Variants in ARHGEF3 observed in about 807,000 individuals in gnomAD.
ARHGEF3 encodes 59.8 kDA protein.
In ARHGEF3, 28 loss-of-function variants were observed where a neutral mutation model predicts 63.2. The observed-to-expected ratio is 0.44, with a 90% CI of 0.33 to 0.61. The LOEUF (loss-of-function observed/expected upper bound fraction) is 0.61, where lower values mean the gene tolerates loss of function less well. ARHGEF3 is among the 20% of genes least tolerant of loss of function. The probability of loss-of-function intolerance (pLI) is 0.03; values close to 1 mark genes in which losing one functional copy is unlikely to be tolerated. For missense variants in ARHGEF3, 533 were observed against 659.3 expected (o/e 0.81, Z 2.10); for synonymous variants, 266 against 254.2 (o/e 1.05, Z -0.44).
chr3:56,894,276 T>A (rs539448326), intron 3 of ARHGEF3, among the ~76,000 whole-genome samples: 1 of 152,340 alleles, frequency 6.6e-6, no homozygotes, highest in South Asian at 2.1e-4. Context: ...ACTGCATCTC[T>A]TTTGTTAACC....
At position 56,819,929 on chromosome 3, in the gene ARHGEF3, C is replaced by T. The variant is rs150994516; in HGVS notation, c.193-46113G>A. Among the ~76,000 whole-genome samples, 736 of 152,148 alleles carry T rather than the reference C, an allele frequency of 4.8e-3. 8 individuals carry two copies. Among genetic ancestry groups the T allele is most frequent in the African/African-American group, 0.017 (695 of 41,488 alleles). On this transcript the variant is annotated intron_variant, in intron 4 of 12. Transcript: ENST00000338458. ...GGCTCAAGCATTCCTTCCATCTCAG[C>T]TTCCCAAGTAGCTGGGACTACAGGC...
intron 2 of ARHGEF3, among the ~76,000 whole-genome samples, chr3:56,770,410 G>A (rs1578465122): frequency 8.1e-6 from 1 of 123,156 alleles, no homozygotes; most frequent in South Asian, 2.4e-4. Flanking sequence ...ACTCTGTCTC[G>A]AAAATTAAAT....
intron 4 of ARHGEF3, among the ~76,000 whole-genome samples, chr3:56,828,033 C>A (rs2038796322): frequency 6.7e-6 from 1 of 148,442 alleles, no homozygotes; most frequent in African/African-American, 2.5e-5. Context: ...GTGAAGTACA[C>A]CAGGAAAAAA....
At chr3:56,910,838 T>C (rs2041835720) in intron 3 of ARHGEF3, among the ~76,000 whole-genome samples, 1 of 152,180 alleles carries the variant, frequency 6.6e-6, no homozygotes, top group Non-Finnish European at 1.5e-5. Context: ...ATAAGCTGTT[T>C]GAAGCGCTTC....
intron 1 of ARHGEF3, among the ~76,000 whole-genome samples, chr3:56,795,646 T>TC (rs2037313352): frequency 9.8e-6 from 1 of 102,204 alleles, no homozygotes; most frequent in Admixed American, 9.5e-5. Flanking sequence ...TGTGACACAG[T>TC]CTCTCTCTCT....
At chr3:56,787,424 C>A (rs889767397) in intron 1 of ARHGEF3, among the ~76,000 whole-genome samples, 1 of 152,116 alleles carries the variant, frequency 6.6e-6, no homozygotes, top group Non-Finnish European at 1.5e-5. Context: ...CTACACCTGA[C>A]GCAGGTGTGA....
chr3:56,749,777 C>G (rs192780062), intron 6 of ARHGEF3, among the ~76,000 whole-genome samples: 18 of 152,070 alleles, frequency 1.2e-4, no homozygotes, highest in Non-Finnish European at 1.5e-5. Context: ...TTTCGGATAC[C>G]TTTGGGATAT....
intron 2 of ARHGEF3, among the ~76,000 whole-genome samples, chr3:57,031,678 G>T (rs114157981): frequency 6.6e-6 from 1 of 152,150 alleles, no homozygotes; most frequent in Non-Finnish European, 1.5e-5. Context: ...TCAATTAATC[G>T]TTCAATGGGC....
chr3:56,815,126 AG>A (rs2038221441), intron 4 of ARHGEF3, among the ~76,000 whole-genome samples: 1 of 151,850 alleles, frequency 6.6e-6, no homozygotes, highest in Non-Finnish European at 1.5e-5. Context: ...CTTGGGCAAC[AG>A]AGCGAGACCC....
intron 2 of ARHGEF3, among the ~76,000 whole-genome samples, chr3:57,004,269 T>C (rs1214780083): frequency 2.0e-5 from 3 of 152,208 alleles, no homozygotes; most frequent in Non-Finnish European, 4.4e-5. Flanking sequence ...GAGCCACTTA[T>C]TTGCAGATGT....
intron 3 of ARHGEF3, among the ~76,000 whole-genome samples, chr3:56,944,736 GTCCA>G: frequency 6.6e-6 from 1 of 151,756 alleles, no homozygotes; most frequent in Non-Finnish European, 1.5e-5. Flanking sequence ...GCGCAACCAT[GTCCA>G]GCTAATTTTT....
chr3:56,941,444 G>A (rs1699180500), intron 3 of ARHGEF3, among the ~76,000 whole-genome samples: 1 of 152,184 alleles, frequency 6.6e-6, no homozygotes, highest in East Asian at 1.9e-4. Context: ...CTGATCTCAA[G>A]TGATCCACCT....
intron 3 of ARHGEF3, chr3:56,882,471 C>T (rs2040799742): frequency 1.3e-6 from 1 of 789,438 alleles, no homozygotes. Context: ...TACCATGGTA[C>T]CCAAAACCTT....
intron 1 of ARHGEF3, among the ~76,000 whole-genome samples, chr3:57,064,033 C>A (rs1290907017): frequency 2.0e-5 from 3 of 152,168 alleles, no homozygotes; most frequent in African/African-American, 7.2e-5. Flanking sequence ...TTGGGAGGCC[C>A]AGGGAGGGGG....
chr3:56,898,926 C>T (rs564419672), intron 3 of ARHGEF3, among the ~76,000 whole-genome samples: 26 of 152,188 alleles, frequency 1.7e-4, no homozygotes, highest in South Asian at 1.7e-3. Flanking sequence ...TGGTGGCACA[C>T]GCCTGTAGTC....
At chr3:57,054,733 CCT>C (rs1466117904) in intron 1 of ARHGEF3, among the ~76,000 whole-genome samples, 1 of 150,296 alleles carries the variant, frequency 6.7e-6, no homozygotes, top group Non-Finnish European at 1.5e-5. Flanking sequence ...CTCACTGCAA[CCT>C]CTGACTCCCT....
intron 3 of ARHGEF3, among the ~76,000 whole-genome samples, chr3:56,920,229 TAGGG>T (rs2042090079): frequency 6.6e-6 from 1 of 152,198 alleles, no homozygotes; most frequent in East Asian, 1.9e-4. Context: ...AAACTACCTA[TAGGG>T]TGCCTACGAT....
intron 2 of ARHGEF3, among the ~76,000 whole-genome samples, chr3:57,020,587 G>C (rs1272050986): frequency 2.6e-5 from 4 of 152,226 alleles, no homozygotes; most frequent in Admixed American, 2.6e-4. Flanking sequence ...GGAACAAGTG[G>C]GAATAAGCTT....
At chr3:56,984,811 G>A (rs1191839630) in intron 2 of ARHGEF3, among the ~76,000 whole-genome samples, 2 of 152,180 alleles carry the variant, frequency 1.3e-5, no homozygotes, top group African/African-American at 4.8e-5. Context: ...GTGGACTAGA[G>A]AGGGGAGGAA....
Sources: gnomAD v4.1 joint callset for allele counts (sites outside exome capture counted in the v4.1 genomes callset) on GRCh38, gnomAD v4.1.1 for gene constraint, MANE v1.5 for transcripts, NCBI Gene and HGNC (gene_info 2026-07-23, HGNC 2026-07-21) for gene names.